Variants in ADGRV1 observed in about 807,000 individuals in gnomAD.
ADGRV1 encodes the protein G-protein coupled receptor 98.
Under a neutral mutation model 596.2 loss-of-function variants are expected in ADGRV1, and 359 were observed. The ratio of observed to expected loss-of-function variants is 0.60; its 90% CI spans 0.55 to 0.66. The LOEUF (loss-of-function observed/expected upper bound fraction) is 0.66. ADGRV1 is among the 30% of genes least tolerant of loss of function. ADGRV1 has a pLI of 0.00. For missense variants in ADGRV1, 7,274 were observed against 7,575.6 expected, an observed-to-expected ratio of 0.96 and a Z score of 1.48; for synonymous variants, 2,681 against 2,679.2, an observed-to-expected ratio of 1.00 and a Z score of -0.02.
chr5:90,692,657 A>T lies in ADGRV1; in HGVS notation c.7004A>T (p.Asp2335Val). ...DASGGGTIGLDRIANIIIPAN... is the reference protein window; with the variant it reads ...DASGGGTIGLVRIANIIIPAN... The stretch of plus-strand genomic sequence containing the variant: ...TCTGGTGGAGGTACTATTGGGTTAG[A>T]TCGAATTGCAAATATTATTATTCCT... Residue 2335 changes from aspartate (D) to valine (V), a missense_variant, in exon 32 of 90, where the codon GAT (aspartate) becomes GTT (valine). This residue lies in a region of ADGRV1 where 3,643 missense variants were observed against 3,809.2 expected (regional missense o/e 0.96). Coordinates refer to ENST00000405460, the MANE Select transcript of ADGRV1 (RefSeq NM_032119.4). The T allele has an allele frequency of 1.2e-6, 2 of 1,611,596 alleles. No individual in the cohort carries two copies. Among genetic ancestry groups the T allele is most frequent in the South Asian group, 2.2e-5 (2 of 90,538 alleles).
At chr5:90,646,209 T>C in intron 16 of ADGRV1, 118 bp downstream of exon 16, 2 of 485,042 alleles carry the variant, frequency 4.1e-6, no homozygotes, top group Non-Finnish European at 6.1e-6. Context: ...TTTATATACA[T>C]ATATATTTAG....
intron 87 of ADGRV1, among the ~76,000 whole-genome samples, chr5:91,130,235 G>GAA (rs11403279): frequency 0.021 from 2,966 of 143,954 alleles, 49 homozygotes; most frequent in Non-Finnish European, 0.03. Context: ...TTTCTAAATT[G>GAA]AAAAAAAAAA....
In ADGRV1 at chr5:90,789,949, T is replaced by C. The variant is rs572086654; in HGVS notation, c.14043+98T>C. The C allele has an allele frequency of 2.1e-4, 186 of 882,732 alleles. 3 individuals are homozygous for C. In the South Asian group the frequency reaches 9.3e-3, roughly 44 times the overall value. The allele number at this position is 882,732 out of a possible 1,614,324, so 54.7% of individuals were successfully genotyped here. A position where few individuals can be genotyped will look rare whatever the true frequency, so the allele number is the denominator to read the frequency against. Reference sequence around the variant, plus strand: ...GCATGTTCTAGTTAATTAAAGTTTTTGATAAACTAAAGTTACGTGAGTTTT... The same window carrying C: ...GCATGTTCTAGTTAATTAAAGTTTTCGATAAACTAAAGTTACGTGAGTTTT... On this transcript the variant is annotated intron_variant, in intron 69 of 89. Transcript: ENST00000405460.
At chr5:90,884,699 G>GACCC (rs902089302) in intron 83 of ADGRV1, among the ~76,000 whole-genome samples, 1 of 152,040 alleles carries the variant, frequency 6.6e-6, no homozygotes, top group Non-Finnish European at 1.5e-5. Flanking sequence ...GTAAAAACTA[G>GACCC]ACCCCACATT....
chr5:90,612,966 A>C (rs1197715684), intron 1 of ADGRV1, among the ~76,000 whole-genome samples: 1 of 152,078 alleles, frequency 6.6e-6, no homozygotes, highest in Non-Finnish European at 1.5e-5. Flanking sequence ...CCTGGTCCTC[A>C]CTTTAGACTC....
intron 87 of ADGRV1, among the ~76,000 whole-genome samples, chr5:91,132,997 G>A (rs773495539): frequency 8.5e-5 from 13 of 152,172 alleles, no homozygotes; most frequent in Non-Finnish European, 1.9e-4. Context: ...TATAGGTAGT[G>A]AAGTTGCATC....
intron 1 of ADGRV1, among the ~76,000 whole-genome samples, chr5:90,563,750 A>G (rs890079203): frequency 6.6e-6 from 1 of 152,382 alleles, no homozygotes; most frequent in South Asian, 2.1e-4. Context: ...CAACAAATGA[A>G]TAAGTGCTCT....
At chr5:90,927,307 T>G (rs1774598875) in intron 83 of ADGRV1, among the ~76,000 whole-genome samples, 1 of 151,344 alleles carries the variant, frequency 6.6e-6, no homozygotes, top group Non-Finnish European at 1.5e-5. Context: ...GCTTTATGAA[T>G]CTGGGTGCTC....
intron 84 of ADGRV1, among the ~76,000 whole-genome samples, chr5:90,983,212 GC>G (rs538730834): frequency 1.2e-3 from 182 of 152,128 alleles, no homozygotes; most frequent in African/African-American, 3.8e-3. Flanking sequence ...GCCACTCTGG[GC>G]CTTGAGCTCT....
At chr5:91,029,138 A>AT (rs1423379743) in intron 85 of ADGRV1, among the ~76,000 whole-genome samples, 5 of 152,110 alleles carry the variant, frequency 3.3e-5, no homozygotes, top group Non-Finnish European at 5.9e-5. Context: ...GTTGGTGTAT[A>AT]TTTTTTCCAT....
chr5:91,100,356 C>G (rs906779739), intron 86 of ADGRV1, among the ~76,000 whole-genome samples: 1 of 151,998 alleles, frequency 6.6e-6, no homozygotes, highest in South Asian at 2.1e-4. Context: ...CCCAGGAGGT[C>G]AAGCCTGCAG....
chr5:90,953,405 T>C (rs1373505804), intron 83 of ADGRV1, among the ~76,000 whole-genome samples: 2 of 152,186 alleles, frequency 1.3e-5, no homozygotes, highest in African/African-American at 4.8e-5. Flanking sequence ...CCTCATTTAG[T>C]TGAGTCAAAA....
At chr5:90,975,418 A>T (rs966593878) in intron 84 of ADGRV1, among the ~76,000 whole-genome samples, 1 of 152,222 alleles carries the variant, frequency 6.6e-6, no homozygotes, top group Non-Finnish European at 1.5e-5. Flanking sequence ...TTATTGTGGC[A>T]CTATTCACAA....
Position 90,696,470 on chromosome 5 carries a change from C to T in ADGRV1, c.7946-467C>T, listed in dbSNP as rs144418994. On this transcript the variant is annotated intron_variant, in intron 33 of 89. Transcript: ENST00000405460. ...CCTTTTTAGTTCCTCATTTTGACCA[C>T]GATTCCCTAAGTGTTCCTGGTTTTT... Among the ~76,000 whole-genome samples, 261 of 152,234 alleles carry T rather than the reference C, an allele frequency of 1.7e-3. 1 individual carries two copies. The highest frequency in any genetic ancestry group is 4.7e-3 in the Admixed American group (72 of 15,280).
At chr5:90,952,684 G>T (rs1056005733) in intron 83 of ADGRV1, among the ~76,000 whole-genome samples, 2 of 152,162 alleles carry the variant, frequency 1.3e-5, no homozygotes, top group Non-Finnish European at 2.9e-5. Context: ...CAGGTGAGCT[G>T]TCTGTATAGA....
At chr5:91,140,619 A>G (rs1795019084) in intron 87 of ADGRV1, among the ~76,000 whole-genome samples, 1 of 152,180 alleles carries the variant, frequency 6.6e-6, no homozygotes, top group Non-Finnish European at 1.5e-5. Context: ...TCCCACCTCA[A>G]TACCATTTGA....
intron 26 of ADGRV1, among the ~76,000 whole-genome samples, chr5:90,680,310 G>A (rs116516422): frequency 0.012 from 1,775 of 151,550 alleles, 35 homozygotes; most frequent in African/African-American, 0.041. Flanking sequence ...AACCAAGATT[G>A]CGTCACTGCA....
At chr5:90,924,784 T>C (rs1487230987) in intron 83 of ADGRV1, among the ~76,000 whole-genome samples, 2 of 151,994 alleles carry the variant, frequency 1.3e-5, no homozygotes, top group Non-Finnish European at 2.9e-5. Context: ...TTTAAGTCTT[T>C]AATCCGTCTT....
At position 90,635,286 on chromosome 5, in the gene ADGRV1, A is replaced by C. The variant is rs1766030026; in HGVS notation, c.2012A>C (p.Glu671Ala). 6.2e-7 allele frequency: 1 copy of C among 1,608,894 alleles called. No homozygotes were observed. Among genetic ancestry groups the C allele is most frequent in the Non-Finnish European group, 8.5e-7 (1 of 1,177,638 alleles). Reference protein sequence around the residue: ...ILHEPEDFAAEVVYIPLHRDG... With the variant: ...ILHEPEDFAAAVVYIPLHRDG... ...CATGAACCAGAAGATTTTGCTGCTG[A>C]AGTGGTAAGTAGGCTCTTTCTTACT... is the stretch of plus-strand genomic sequence containing the variant. Residue 671 changes from glutamate to alanine, a missense_variant, in exon 10 of 90, where the codon GAA becomes GCA. Physicochemically the swap from Glu to Ala is moderately radical, Grantham distance 107. Transcript: ENST00000405460.
Sources: allele counts gnomAD v4.1 joint callset (sites outside exome capture counted in the v4.1 genomes callset), GRCh38; gene constraint gnomAD v4.1.1; regional missense constraint gnomAD v4.1.1; transcripts MANE v1.5; gene names NCBI Gene and HGNC (gene_info 2026-07-23, HGNC 2026-07-21).